Variants in PTPRN2 observed in about 807,000 individuals in gnomAD.
The protein encoded by PTPRN2 is protein tyrosine phosphatase receptor type N2.
Under a neutral mutation model 118.8 loss-of-function variants are expected in PTPRN2, and 74 were observed. The observed-to-expected ratio is 0.62, with a 90% CI of 0.52 to 0.76. The LOEUF is 0.76. Among genes scored for constraint, PTPRN2 ranks in the 30% least tolerant of loss-of-function variants. PTPRN2 has a pLI of 0.00. For missense variants in PTPRN2, 1,481 were observed against 1,394.4 expected, an observed-to-expected ratio of 1.06 and a Z score of -0.99; for synonymous variants, 641 against 608.0, an observed-to-expected ratio of 1.05 and a Z score of -0.80.
At chr7:157,663,336 G>C (rs1227796256) in intron 13 of PTPRN2, among the ~76,000 whole-genome samples, 1 of 152,156 alleles carries the variant, frequency 6.6e-6, no homozygotes, top group Non-Finnish European at 1.5e-5. Context: ...CGTCCTGCAC[G>C]TGCCCCTGGG....
At chr7:157,843,870 T>C (rs973048600) in intron 12 of PTPRN2, among the ~76,000 whole-genome samples, 2 of 152,208 alleles carry the variant, frequency 1.3e-5, no homozygotes, top group Non-Finnish European at 2.9e-5. Flanking sequence ...CGGGGCTGCA[T>C]GGCATTCCTT....
Position 157,916,189 on chromosome 7 carries a change from G to A in PTPRN2, c.1724-17452C>T, listed in dbSNP as rs574069211. 1.8e-4 allele frequency among the ~76,000 whole-genome samples: 27 copies of A among 152,306 alleles called. No individual in the cohort carries two copies. In the East Asian group the frequency reaches 2.3e-3, roughly 13 times the overall value. ...TCTTTGTGTGGTGCTGCGTGTGGAC[G>A]CTGGTCTCTCCTCGGCCCCAGTCCA... is the stretch of plus-strand genomic sequence containing the variant. On this transcript the variant is annotated intron_variant, in intron 11 of 22. Coordinates refer to ENST00000389418, the MANE Select transcript of PTPRN2 (RefSeq NM_002847.5).
chr7:158,352,748 A>G (rs1025396018), intron 2 of PTPRN2, among the ~76,000 whole-genome samples: 4 of 152,258 alleles, frequency 2.6e-5, no homozygotes, highest in African/African-American at 4.8e-5. Context: ...CCTGCAAAGA[A>G]AACTCTCTCT....
At chr7:158,530,519 C>T (rs912131883) in intron 1 of PTPRN2, among the ~76,000 whole-genome samples, 1 of 152,106 alleles carries the variant, frequency 6.6e-6, no homozygotes, top group African/African-American at 2.4e-5. Flanking sequence ...TGGTACCCCA[C>T]GACTTAAACA....
rs148041421 is a variant in PTPRN2 at position 158,164,251 on chromosome 7, A to G, written c.910+2680T>C. On this transcript the variant is annotated intron_variant, in intron 6 of 22. Coordinates refer to ENST00000389418, the MANE Select transcript of PTPRN2 (RefSeq NM_002847.5). ...GGAAGGGCTCGCAGAGCAGGAGCGC[A>G]CGCGTAGGAAGAGCACGCAGAGCAA... Among the ~76,000 whole-genome samples, 396 of 142,206 alleles carry G rather than the reference A, an allele frequency of 2.8e-3. 5 individuals are homozygous for G. Among genetic ancestry groups the G allele is most frequent in the African/African-American group, 0.01 (366 of 34,994 alleles). The allele number at this position is 142,206 out of a possible 152,430, so 93.3% of individuals were successfully genotyped here.
chr7:158,558,458 C>T (rs1456628070), intron 1 of PTPRN2, among the ~76,000 whole-genome samples: 1 of 151,758 alleles, frequency 6.6e-6, no homozygotes, highest in African/African-American at 2.4e-5. Flanking sequence ...GGGGTGCTGC[C>T]CCAGGGGGTG....
intron 9 of PTPRN2, 67 bp from the exon 10 acceptor site, chr7:158,110,982 T>A (rs1816209063): frequency 7.2e-7 from 1 of 1,382,904 alleles, no homozygotes; most frequent in African/African-American, 1.4e-5. Flanking sequence ...ACTAAAGCCC[T>A]GTGGCCCCAC....
intron 1 of PTPRN2, among the ~76,000 whole-genome samples, chr7:158,516,849 T>C (rs1481452107): frequency 6.8e-6 from 1 of 148,098 alleles, no homozygotes; most frequent in Non-Finnish European, 1.5e-5. Flanking sequence ...TCTTGGTGCT[T>C]CTGCCTATTG....
chr7:157,581,895 G>A lies in PTPRN2; in HGVS notation c.2497-3755C>T, dbSNP rs529089611. On this transcript the variant is annotated intron_variant, in intron 17 of 22. Coordinates refer to ENST00000389418, the MANE Select transcript of PTPRN2 (RefSeq NM_002847.5). ...AGACACCTCGAGAAGGCACAGACAC[G>A]GAGAGCGGCCACGCGCAGACAGGCA... Among the ~76,000 whole-genome samples the A allele has an allele frequency of 2.0e-5, 3 of 152,340 alleles. No individual in the cohort carries two copies. The South Asian group carries it at 6.2e-4, about 32-fold the overall frequency.
intron 2 of PTPRN2, among the ~76,000 whole-genome samples, chr7:158,331,796 C>A (rs1192134036): frequency 6.6e-6 from 1 of 151,112 alleles, no homozygotes; most frequent in South Asian, 2.1e-4. Flanking sequence ...ACAGACATCA[C>A]TCACACCCAC....
At chr7:158,302,613 C>G (rs1057110994) in intron 3 of PTPRN2, among the ~76,000 whole-genome samples, 1 of 152,232 alleles carries the variant, frequency 6.6e-6, no homozygotes, top group Non-Finnish European at 1.5e-5. Context: ...CCTCGTTTCA[C>G]GATAAACAAC....
intron 11 of PTPRN2, among the ~76,000 whole-genome samples, chr7:157,934,067 G>A (rs946203781): frequency 1.3e-5 from 2 of 152,266 alleles, no homozygotes; most frequent in East Asian, 1.9e-4. Flanking sequence ...GCTCTTTGTC[G>A]AGAACACCAG....
chr7:158,532,216 G>A (rs1825296604), intron 1 of PTPRN2, among the ~76,000 whole-genome samples: 1 of 152,226 alleles, frequency 6.6e-6, no homozygotes, highest in Non-Finnish European at 1.5e-5. Flanking sequence ...CATGCCCCCA[G>A]TGTAAAAAGA....
At chr7:158,182,328 T>C (rs181927343) in intron 5 of PTPRN2, among the ~76,000 whole-genome samples, 2 of 152,364 alleles carry the variant, frequency 1.3e-5, no homozygotes, top group East Asian at 3.9e-4. Flanking sequence ...TTTTGTAGCC[T>C]AGTATACAGT....
chr7:157,975,582 T>C (rs76769696), intron 11 of PTPRN2, among the ~76,000 whole-genome samples: 4,417 of 152,228 alleles, frequency 0.029, 96 homozygotes, highest in Non-Finnish European at 0.044. Context: ...ACCCGAACTG[T>C]GCTTTTCAGT....
intron 11 of PTPRN2, among the ~76,000 whole-genome samples, chr7:158,019,463 G>A (rs1806705739): frequency 6.6e-6 from 1 of 152,262 alleles, no homozygotes; most frequent in Non-Finnish European, 1.5e-5. Context: ...AGACAGCGCG[G>A]TAGAGGCCAG....
chr7:158,079,909 T>C (rs539984824), intron 11 of PTPRN2, among the ~76,000 whole-genome samples: 2 of 152,262 alleles, frequency 1.3e-5, no homozygotes, highest in South Asian at 2.1e-4. Flanking sequence ...TCCACAAGCC[T>C]CACAGCAAAG....
chr7:158,145,780 G>C (rs1370429518), intron 6 of PTPRN2, among the ~76,000 whole-genome samples: 2 of 152,194 alleles, frequency 1.3e-5, no homozygotes, highest in Admixed American at 1.3e-4. Flanking sequence ...CACATTTAAA[G>C]TTCCCATCAA....
At chr7:158,430,043 G>A (rs1816042557) in intron 2 of PTPRN2, among the ~76,000 whole-genome samples, 1 of 152,090 alleles carries the variant, frequency 6.6e-6, no homozygotes, top group Admixed American at 6.6e-5. Context: ...GAGTAGCTGG[G>A]ATTACAGGTG....
Sources: allele counts gnomAD v4.1 joint callset (sites outside exome capture counted in the v4.1 genomes callset), GRCh38; gene constraint gnomAD v4.1.1; transcripts MANE v1.5; gene names NCBI Gene and HGNC (gene_info 2026-07-23, HGNC 2026-07-21).